The following GLIS3 variants were observed in gnomAD, a reference collection of about 807,000 sequenced individuals.
GLIS3 encodes the protein zinc finger protein GLIS3.
Under a neutral mutation model 78.6 loss-of-function variants are expected in GLIS3, and 53 were observed. That is an observed-to-expected ratio of 0.67 (90% confidence interval 0.54 to 0.85). The LOEUF (loss-of-function observed/expected upper bound fraction) is 0.85, where lower values mean the gene tolerates loss of function less well. GLIS3 is among the 40% of genes least tolerant of loss of function. The pLI, the probability that GLIS3 is intolerant of heterozygous loss-of-function variation, is 0.00. For missense variants in GLIS3, 1,703 were observed against 1,231.1 expected (o/e 1.38, Z -5.74); for synonymous variants, 684 against 509.9 (o/e 1.34, Z -4.60).
At chr9:4,385,748 AG>A in the GLIS3 span, among the ~76,000 whole-genome samples, 6 of 1,374 alleles carry the variant, frequency 4.4e-3, no homozygotes, top group South Asian at 0.054. Context: ...AAAGAAAGAA[AG>A]AAAGAAAGAA....
intron 2 of GLIS3, among the ~76,000 whole-genome samples, chr9:4,234,397 G>C (rs554987793): frequency 2.7e-4 from 41 of 152,288 alleles, no homozygotes; most frequent in African/African-American, 8.4e-4. Flanking sequence ...AGGAATACAA[G>C]AGCACAAGGA....
intron 7 of GLIS3, among the ~76,000 whole-genome samples, chr9:3,886,640 G>A (rs557529922): frequency 6.6e-6 from 1 of 152,230 alleles, no homozygotes; most frequent in South Asian, 2.1e-4. Context: ...CCAATATTGG[G>A]GGTGACTCAA....
intron 2 of GLIS3, among the ~76,000 whole-genome samples, chr9:4,222,949 C>A (rs879625515): frequency 2.0e-5 from 3 of 152,246 alleles, no homozygotes; most frequent in Non-Finnish European, 2.9e-5. Flanking sequence ...ATCTCAGTAG[C>A]CTTCAGGTTT....
At chr9:4,415,381 T>C in the GLIS3 span, among the ~76,000 whole-genome samples, 5 of 152,228 alleles carry the variant, frequency 3.3e-5, no homozygotes, top group African/African-American at 1.2e-4. Context: ...CATTTGACAT[T>C]TGGTTTGCCA....
chr9:4,065,742 C>G (rs1335477042), intron 4 of GLIS3, among the ~76,000 whole-genome samples: 2 of 152,200 alleles, frequency 1.3e-5, no homozygotes, highest in African/African-American at 4.8e-5. Flanking sequence ...GTCTAAGATG[C>G]TAGTGTTTGG....
intron 4 of GLIS3, among the ~76,000 whole-genome samples, chr9:4,017,706 CAG>C (rs1433031187): frequency 2.6e-5 from 4 of 152,148 alleles, no homozygotes; most frequent in African/African-American, 9.7e-5. Context: ...AGCCTGGTAT[CAG>C]AGTGTTGGTA....
chr9:4,030,119 T>C (rs1389059988), intron 4 of GLIS3, among the ~76,000 whole-genome samples: 1 of 152,212 alleles, frequency 6.6e-6, no homozygotes, highest in East Asian at 1.9e-4. Context: ...TTATTGCCTG[T>C]CTTTTGGATA....
chr9:3,904,902 C>A (rs1456014750), intron 6 of GLIS3, among the ~76,000 whole-genome samples: 5 of 152,040 alleles, frequency 3.3e-5, no homozygotes, highest in Admixed American at 2.0e-4. Context: ...AAACAGCCCA[C>A]CCCCAACTTT....
At chr9:4,065,281 C>G (rs1827000244) in intron 4 of GLIS3, among the ~76,000 whole-genome samples, 1 of 151,992 alleles carries the variant, frequency 6.6e-6, no homozygotes, top group African/African-American at 2.4e-5. Context: ...CAGCCCAAGG[C>G]AGAAAAAGGA....
the GLIS3 span, among the ~76,000 whole-genome samples, chr9:4,428,402 C>T: frequency 6.8e-6 from 1 of 146,844 alleles, no homozygotes; most frequent in Non-Finnish European, 1.5e-5. Flanking sequence ...TTGCTTGAAC[C>T]TGGGAGGCAG....
chr9:4,124,158 G>C (rs534430801), intron 3 of GLIS3, among the ~76,000 whole-genome samples: 12 of 151,812 alleles, frequency 7.9e-5, no homozygotes, highest in South Asian at 2.1e-4. Context: ...ATTTCACCAA[G>C]CAATTCCCAA....
intron 2 of GLIS3, among the ~76,000 whole-genome samples, chr9:4,321,417 G>A (rs71490232): frequency 0.011 from 212 of 19,166 alleles, 22 homozygotes; most frequent in African/African-American, 0.06. Flanking sequence ...GCTAGACTCC[G>A]TCTCAAAAAA....
At chr9:4,244,115 T>C (rs575434019) in intron 2 of GLIS3, among the ~76,000 whole-genome samples, 1 of 152,240 alleles carries the variant, frequency 6.6e-6, no homozygotes, top group African/African-American at 2.4e-5. Flanking sequence ...AAGCCTTCCA[T>C]AAATCCTTCA....
At chr9:4,474,787 C>G in the GLIS3 span, among the ~76,000 whole-genome samples, 1 of 150,716 alleles carries the variant, frequency 6.6e-6, no homozygotes. Flanking sequence ...GCCTCAACCT[C>G]CCAGTCTCAA....
chr9:4,169,953 C>A (rs983787247), intron 2 of GLIS3, among the ~76,000 whole-genome samples: 4 of 152,134 alleles, frequency 2.6e-5, no homozygotes, highest in Non-Finnish European at 5.9e-5. Flanking sequence ...CTCTTAGACA[C>A]AAGCGTCCTC....
At chr9:4,162,854 CAAAAAA>C (rs35310357) in intron 2 of GLIS3, among the ~76,000 whole-genome samples, 20 of 73,874 alleles carry the variant, frequency 2.7e-4, no homozygotes, top group Admixed American at 1.2e-3. Flanking sequence ...CTCGCTCTGT[CAAAAAA>C]AAAAAAAAAA....
intron 2 of GLIS3, among the ~76,000 whole-genome samples, chr9:4,245,237 A>G (rs755841276): frequency 7.9e-5 from 12 of 152,202 alleles, no homozygotes; most frequent in Non-Finnish European, 1.3e-4. Flanking sequence ...GTGGCCTCAA[A>G]CCCACAATGA....
intron 2 of GLIS3, among the ~76,000 whole-genome samples, chr9:4,232,421 GAAAC>G (rs1822351770): frequency 7.0e-6 from 1 of 142,580 alleles, no homozygotes; most frequent in Non-Finnish European, 1.5e-5. Flanking sequence ...AAAAAAGAAA[GAAAC>G]AAAGAAACAA....
chr9:4,068,597 T>C (rs1017135411), intron 4 of GLIS3, among the ~76,000 whole-genome samples: 1 of 152,142 alleles, frequency 6.6e-6, no homozygotes, highest in Non-Finnish European at 1.5e-5. Context: ...AAAATAAATA[T>C]TAGAGAAAAT....
Sources: gnomAD v4.1 joint callset for allele counts (sites outside exome capture counted in the v4.1 genomes callset) on GRCh38, gnomAD v4.1.1 for gene constraint, MANE v1.5 for transcripts, NCBI Gene and HGNC (gene_info 2026-07-23, HGNC 2026-07-21) for gene names.